LIN52: variants seen among roughly 807,000 people sequenced by gnomAD.
The protein encoded by LIN52 is lin-52 DREAM MuvB core complex component.
Under a neutral mutation model 18.5 loss-of-function variants are expected in LIN52, and 4 were observed. That is an observed-to-expected ratio of 0.22 (90% CI 0.11 to 0.49). The LOEUF (loss-of-function observed/expected upper bound fraction) is 0.49, where lower values mean the gene tolerates loss of function less well. Among genes scored for constraint, LIN52 ranks in the 20% least tolerant of loss-of-function variants. The pLI is 0.97. For missense variants in LIN52, 102 were observed against 139.5 expected (o/e 0.73, Z 1.35); for synonymous variants, 34 against 45.5 (o/e 0.75, Z 1.02).
intron 3 of LIN52, among the ~76,000 whole-genome samples, chr14:74,096,551 G>C (rs1335137302): frequency 6.6e-6 from 1 of 151,576 alleles, no homozygotes; most frequent in Non-Finnish European, 1.5e-5. Context: ...TTGATTTGGA[G>C]GTAAATGACT....
intron 5 of LIN52, among the ~76,000 whole-genome samples, chr14:74,169,307 A>C (rs2061261758): frequency 6.6e-6 from 1 of 152,108 alleles, no homozygotes; most frequent in South Asian, 2.1e-4. Flanking sequence ...TAATATCAAA[A>C]TCCTTTTGTC....
intron 5 of LIN52, among the ~76,000 whole-genome samples, chr14:74,124,703 A>G (rs979456432): frequency 2.7e-5 from 4 of 149,604 alleles, no homozygotes; most frequent in African/African-American, 9.9e-5. Flanking sequence ...CCAGCTACTC[A>G]GTGGGGCTGA....
rs568224111 is a variant in LIN52 at position 74,175,635 on chromosome 14, C to T, written c.284-23287C>T. Among the ~76,000 whole-genome samples the T allele has an allele frequency of 1.4e-3, 206 of 151,340 alleles. 1 individual carries two copies. Among genetic ancestry groups the T allele is most frequent in the African/African-American group, 4.7e-3 (194 of 41,190 alleles). Reference sequence around the variant, plus strand: ...TTGCTTGAGCCCAGGAGTGTGAGGCCGCAGTAAGCTATAATCACACCACTG... The same window carrying T: ...TTGCTTGAGCCCAGGAGTGTGAGGCTGCAGTAAGCTATAATCACACCACTG... On this transcript the variant is annotated intron_variant, in intron 5 of 5. Transcript: ENST00000555028.
chr14:74,177,813 T>C (rs2061300480), intron 5 of LIN52, among the ~76,000 whole-genome samples: 1 of 152,234 alleles, frequency 6.6e-6, no homozygotes, highest in African/African-American at 2.4e-5. Context: ...AGTCTCGCTC[T>C]GTCGCCCAGG....
chr14:74,127,750 A>AT (rs982738950), intron 5 of LIN52, among the ~76,000 whole-genome samples: 35 of 150,200 alleles, frequency 2.3e-4, no homozygotes, highest in Admixed American at 4.0e-4. Context: ...TTTAAACTTA[A>AT]TTTTTTTTTT....
chr14:74,125,371 G>C (rs1045294330), intron 5 of LIN52, among the ~76,000 whole-genome samples: 2 of 152,212 alleles, frequency 1.3e-5, no homozygotes, highest in African/African-American at 2.4e-5. Flanking sequence ...GGCCAGTGAT[G>C]ATGAGCATTT....
chr14:74,120,954 G>A (rs1002800437), intron 5 of LIN52, among the ~76,000 whole-genome samples: 3 of 152,048 alleles, frequency 2.0e-5, no homozygotes, highest in South Asian at 2.1e-4. Flanking sequence ...GTATGCACCT[G>A]TAGTTTCAGC....
chr14:74,129,150 A>G (rs901273583), intron 5 of LIN52, among the ~76,000 whole-genome samples: 20 of 152,198 alleles, frequency 1.3e-4, no homozygotes, highest in Non-Finnish European at 5.9e-5. Flanking sequence ...AGTGGAAGGT[A>G]GGAAATGGAA....
At chr14:74,179,368 T>C (rs1484973085) in intron 5 of LIN52, among the ~76,000 whole-genome samples, 1 of 152,086 alleles carries the variant, frequency 6.6e-6, no homozygotes, top group East Asian at 1.9e-4. Flanking sequence ...GTAAAAATTC[T>C]AATTCTTTGG....
chr14:74,095,843 TCTAAACTATAAGAAAACAGACAAAG>T, intron 2 of LIN52, 80 bp from the exon 3 acceptor site: 1 of 692,676 alleles, frequency 1.4e-6, no homozygotes, highest in Admixed American at 3.0e-5. Flanking sequence ...TTTCTCTTCT[TCTAAACTATAAGAAAACAGACAAAG>T]CTGTTTTCTT....
At chr14:74,095,877 T>C (rs2060808309) in intron 2 of LIN52, 71 bp from the exon 3 acceptor site, 7 of 972,006 alleles carry the variant, frequency 7.2e-6, no homozygotes, top group Non-Finnish European at 1.1e-5. Flanking sequence ...AGCTGTTTTC[T>C]TATTATTTGG....
chr14:74,197,955 G>A (rs1039579170), intron 5 of LIN52, among the ~76,000 whole-genome samples: 1 of 152,120 alleles, frequency 6.6e-6, no homozygotes, highest in Non-Finnish European at 1.5e-5. Context: ...CACTTCTTTG[G>A]CCAGGACGGA....
At chr14:74,127,876 TGG>T (rs1595166785) in intron 5 of LIN52, among the ~76,000 whole-genome samples, 1 of 151,992 alleles carries the variant, frequency 6.6e-6, no homozygotes, top group East Asian at 1.9e-4. Flanking sequence ...CACGCCTGTC[TGG>T]GACAGAGAAT....
intron 5 of LIN52, among the ~76,000 whole-genome samples, chr14:74,173,704 C>T (rs1215545857): frequency 6.6e-6 from 1 of 152,166 alleles, no homozygotes; most frequent in Non-Finnish European, 1.5e-5. Context: ...AACCTAAGTA[C>T]TGTACTTTTA....
At chr14:74,125,220 C>T (rs1420648026) in intron 5 of LIN52, among the ~76,000 whole-genome samples, 2 of 152,188 alleles carry the variant, frequency 1.3e-5, no homozygotes, top group Non-Finnish European at 2.9e-5. Flanking sequence ...AACTAGTTTA[C>T]AGTCCCACCA....
chr14:74,091,341 C>G lies in LIN52; in HGVS notation c.94+35C>G, dbSNP rs771537900. On this transcript the variant is annotated intron_variant, in intron 2 of 5. Transcript: ENST00000555028. ...TGCCTTCTTTATATCAGAGTCAATG[C>G]AGGAGAAACAATGTTCCTTTTTAAA... 5 of 1,305,874 alleles carry G rather than the reference C, an allele frequency of 3.8e-6. No homozygotes were observed. The African/African-American group carries it at 5.9e-5, about 15-fold the overall frequency. 80.9% of individuals were successfully genotyped at this position (1,305,874 alleles called of 1,614,324 possible).
chr14:74,126,412 C>G (rs1254135685), intron 5 of LIN52, among the ~76,000 whole-genome samples: 1 of 152,120 alleles, frequency 6.6e-6, no homozygotes, highest in Non-Finnish European at 1.5e-5. Flanking sequence ...AAAACAGGTA[C>G]TCAAACAAAT....
At chr14:74,163,582 G>T (rs767852898) in intron 5 of LIN52, among the ~76,000 whole-genome samples, 1 of 152,124 alleles carries the variant, frequency 6.6e-6, no homozygotes, top group African/African-American at 2.4e-5. Flanking sequence ...GTTAATGATG[G>T]TTTTAATGTA....
chr14:74,124,810 C>CAAAA (rs5809648), intron 5 of LIN52, among the ~76,000 whole-genome samples: 713 of 59,434 alleles, frequency 0.012, 73 homozygotes, highest in African/African-American at 0.043. Flanking sequence ...GACCCTGTCT[C>CAAAA]AAAAAAAAAA....
Sources: gnomAD v4.1 joint callset for allele counts (sites outside exome capture counted in the v4.1 genomes callset) on GRCh38, gnomAD v4.1.1 for gene constraint, MANE v1.5 for transcripts, NCBI Gene and HGNC (gene_info 2026-07-23, HGNC 2026-07-21) for gene names.